Variants in SPON1 observed in about 807,000 individuals in gnomAD.
SPON1 encodes spondin-1.
A neutral mutation model predicts 111.7 loss-of-function variants in SPON1; 52 were observed. That is an observed-to-expected ratio of 0.47 (90% CI 0.37 to 0.59). The LOEUF is 0.59. Among genes scored for constraint, SPON1 ranks in the 20% least tolerant of loss-of-function variants. The pLI is 0.00. For synonymous variants in SPON1, 410 were observed against 395.8 expected, an observed-to-expected ratio of 1.04 and a Z score of -0.43; for missense variants, 957 against 1,068.5, an observed-to-expected ratio of 0.90 and a Z score of 1.46.
chr11:14,240,721 G>A (rs1848916246), intron 6 of SPON1, among the ~76,000 whole-genome samples: 1 of 151,754 alleles, frequency 6.6e-6, no homozygotes, highest in Non-Finnish European at 1.5e-5. Context: ...GAATCTGCAT[G>A]GCCAGCTAAC....
At chr11:13,980,266 C>T (rs1165924247) in intron 1 of SPON1, among the ~76,000 whole-genome samples, 1 of 152,022 alleles carries the variant, frequency 6.6e-6, no homozygotes, top group Non-Finnish European at 1.5e-5. Context: ...GGTCTTGAAC[C>T]CTGGCCTCAA....
intron 3 of SPON1, among the ~76,000 whole-genome samples, chr11:14,065,766 A>G (rs914539736): frequency 2.0e-5 from 3 of 152,236 alleles, no homozygotes; most frequent in Non-Finnish European, 4.4e-5. Context: ...GATGAAAGCT[A>G]TGAATTCTGA....
chr11:14,034,552 G>A (rs1464685105), intron 2 of SPON1, among the ~76,000 whole-genome samples: 2 of 152,200 alleles, frequency 1.3e-5, no homozygotes, highest in African/African-American at 4.8e-5. Flanking sequence ...ATTACCATCT[G>A]GCAACTGAGG....
intron 6 of SPON1, among the ~76,000 whole-genome samples, chr11:14,180,418 T>A (rs905496663): frequency 6.6e-6 from 1 of 152,226 alleles, no homozygotes; most frequent in African/African-American, 2.4e-5. Context: ...CCGCAGATAT[T>A]TCATGCTCTT....
At chr11:13,988,936 T>C (rs1414212034) in intron 2 of SPON1, among the ~76,000 whole-genome samples, 4 of 152,226 alleles carry the variant, frequency 2.6e-5, no homozygotes, top group Non-Finnish European at 5.9e-5. Context: ...GATGTGCTGC[T>C]GGATTTGGTT....
At chr11:14,208,118 T>C (rs374759656) in intron 6 of SPON1, among the ~76,000 whole-genome samples, 78 of 152,160 alleles carry the variant, frequency 5.1e-4, no homozygotes, top group African/African-American at 1.8e-3. Context: ...AAACCAAATA[T>C]CACATGTTCT....
intron 2 of SPON1, among the ~76,000 whole-genome samples, chr11:13,996,540 C>T (rs2133790172): frequency 6.6e-6 from 1 of 152,258 alleles, no homozygotes; most frequent in East Asian, 1.9e-4. Context: ...AGCATCACTC[C>T]TCTCAACAGA....
chr11:13,989,943 G>A (rs1009252450), intron 2 of SPON1, among the ~76,000 whole-genome samples: 3 of 152,166 alleles, frequency 2.0e-5, no homozygotes, highest in African/African-American at 7.2e-5. Flanking sequence ...TTTTGCATTT[G>A]CTGAGGAGTG....
At chr11:14,233,120 A>T (rs187251908) in intron 6 of SPON1, among the ~76,000 whole-genome samples, 1 of 152,222 alleles carries the variant, frequency 6.6e-6, no homozygotes, top group Non-Finnish European at 1.5e-5. Context: ...CTTGGAGTTT[A>T]CGTCTCCAGC....
intron 5 of SPON1, among the ~76,000 whole-genome samples, chr11:14,130,023 C>CTCGGGATGAAAT (rs1554927393): frequency 6.6e-6 from 1 of 152,190 alleles, no homozygotes; most frequent in African/African-American, 2.4e-5. Context: ...GGAATTACAA[C>CTCGGGATGAAAT]TCGGGATGAA....
At chr11:14,130,343 C>A (rs1554927424) in intron 5 of SPON1, among the ~76,000 whole-genome samples, 1 of 152,046 alleles carries the variant, frequency 6.6e-6, no homozygotes, top group East Asian at 1.9e-4. Flanking sequence ...TGCTGAGTGC[C>A]CTTGGTGGTA....
chr11:14,220,333 A>G (rs1327784493), intron 6 of SPON1, among the ~76,000 whole-genome samples: 2 of 152,184 alleles, frequency 1.3e-5, no homozygotes, highest in Non-Finnish European at 2.9e-5. Flanking sequence ...CATCCTAGGT[A>G]ACAAAACTCT....
chr11:14,173,979 T>A (rs1433336088), intron 6 of SPON1, among the ~76,000 whole-genome samples: 1 of 152,034 alleles, frequency 6.6e-6, no homozygotes, highest in Non-Finnish European at 1.5e-5. Context: ...CTTGTAAAAT[T>A]TTTCAATTGC....
chr11:14,231,930 G>A (rs1172020597), intron 6 of SPON1, among the ~76,000 whole-genome samples: 3 of 151,266 alleles, frequency 2.0e-5, no homozygotes, highest in Non-Finnish European at 4.4e-5. Context: ...AAGGATGGTG[G>A]GATTATAGGG....
At chr11:14,178,166 A>G (rs1361129158) in intron 6 of SPON1, among the ~76,000 whole-genome samples, 1 of 152,008 alleles carries the variant, frequency 6.6e-6, no homozygotes, top group Non-Finnish European at 1.5e-5. Context: ...AATGTTTAGA[A>G]GTCACAAACA....
intron 5 of SPON1, among the ~76,000 whole-genome samples, chr11:14,133,718 C>T (rs1211751939): frequency 3.3e-5 from 5 of 152,178 alleles, no homozygotes; most frequent in South Asian, 2.1e-4. Flanking sequence ...GCTTTGATGA[C>T]GGCTAGGACT....
At chr11:14,155,982 C>T (rs1414000783) in intron 6 of SPON1, among the ~76,000 whole-genome samples, 1 of 129,976 alleles carries the variant, frequency 7.7e-6, no homozygotes, top group African/African-American at 2.7e-5. Context: ...GTCTTTATAG[C>T]AGCATGATTT....
At chr11:14,098,806 A>C (rs1227759972) in intron 5 of SPON1, among the ~76,000 whole-genome samples, 6 of 152,174 alleles carry the variant, frequency 3.9e-5, no homozygotes, top group Non-Finnish European at 8.8e-5. Context: ...TCTGGCTTTG[A>C]ATCTGGGTCC....
At chr11:14,051,643 C>T (rs189712506) in intron 3 of SPON1, among the ~76,000 whole-genome samples, 3 of 152,224 alleles carry the variant, frequency 2.0e-5, no homozygotes, top group African/African-American at 4.8e-5. Context: ...CTTTACAGGG[C>T]ACTGAATATG....
Sources: allele counts gnomAD v4.1 joint callset (sites outside exome capture counted in the v4.1 genomes callset), GRCh38; gene constraint gnomAD v4.1.1; transcripts MANE v1.5; gene names NCBI Gene and HGNC (gene_info 2026-07-23, HGNC 2026-07-21).